The following TGFA variants were observed in gnomAD, a reference collection of about 807,000 sequenced individuals.
TGFA encodes transforming growth factor alpha, also known as protransforming growth factor alpha.
A neutral mutation model predicts 21.7 loss-of-function variants in TGFA; 12 were observed. The observed-to-expected ratio is 0.55, with a 90% CI of 0.35 to 0.90. The LOEUF (loss-of-function observed/expected upper bound fraction) is 0.90. Among genes scored for constraint, TGFA ranks in the 40% least tolerant of loss-of-function variants. The pLI is 0.01. For synonymous variants in TGFA, 79 were observed against 88.1 expected (o/e 0.90, Z 0.58); for missense variants, 178 against 210.8 (o/e 0.84, Z 0.96).
chr2:70,530,117 G>A (rs1213000932), intron 1 of TGFA, among the ~76,000 whole-genome samples: 2 of 152,276 alleles, frequency 1.3e-5, no homozygotes, highest in Middle Eastern at 3.4e-3. Flanking sequence ...ACCTCAGATG[G>A]GAGATTCTGT....
intron 1 of TGFA, among the ~76,000 whole-genome samples, chr2:70,539,533 C>T (rs1673072570): frequency 1.3e-5 from 2 of 152,214 alleles, no homozygotes; most frequent in African/African-American, 2.4e-5. Flanking sequence ...CAGCACACTG[C>T]AACCTCCGCC....
intron 2 of TGFA, among the ~76,000 whole-genome samples, chr2:70,466,203 TA>T (rs1553492206): frequency 2.0e-5 from 3 of 152,190 alleles, no homozygotes; most frequent in African/African-American, 7.2e-5. Context: ...TACAGTAAGT[TA>T]AGTAAATGGG....
At chr2:70,492,125 G>A (rs1486183995) in intron 2 of TGFA, among the ~76,000 whole-genome samples, 5 of 152,168 alleles carry the variant, frequency 3.3e-5, no homozygotes, top group Non-Finnish European at 7.3e-5. Context: ...TATCAAGAAG[G>A]GAAGAAATGG....
At chr2:70,490,371 C>T (rs1671393387) in intron 2 of TGFA, among the ~76,000 whole-genome samples, 1 of 152,272 alleles carries the variant, frequency 6.6e-6, no homozygotes, top group African/African-American at 2.4e-5. Flanking sequence ...AACAAAACCT[C>T]CTCATATAGT....
intron 1 of TGFA, among the ~76,000 whole-genome samples, chr2:70,541,293 T>C (rs1673124856): frequency 6.6e-6 from 1 of 152,236 alleles, no homozygotes; most frequent in African/African-American, 2.4e-5. Context: ...TTTATAGATA[T>C]ATTTATATGT....
chr2:70,505,675 T>C (rs1671900961), intron 2 of TGFA, among the ~76,000 whole-genome samples: 1 of 151,324 alleles, frequency 6.6e-6, no homozygotes, highest in Admixed American at 6.6e-5. Flanking sequence ...AAGTGACAAC[T>C]AGGAAGGAAA....
intron 3 of TGFA, among the ~76,000 whole-genome samples, chr2:70,459,990 G>A (rs1053472827): frequency 1.6e-4 from 25 of 152,192 alleles, no homozygotes; most frequent in Admixed American, 1.6e-3. Context: ...AGCCCAGTGG[G>A]TCTCACCTAC....
chr2:70,550,563 G>A (rs868982543), intron 1 of TGFA, among the ~76,000 whole-genome samples: 15 of 152,160 alleles, frequency 9.9e-5, no homozygotes, highest in South Asian at 4.1e-4. Flanking sequence ...GCTCACGCCT[G>A]TAATCCCAGC....
chr2:70,453,136 C>T (rs1344865922), intron 5 of TGFA, 82 bp downstream of exon 5: 7 of 1,239,468 alleles, frequency 5.6e-6, no homozygotes, highest in Non-Finnish European at 8.2e-6. Flanking sequence ...GCTTCATACT[C>T]CAGGAACTTC....
At chr2:70,456,065 G>A (rs1338390947) in intron 4 of TGFA, among the ~76,000 whole-genome samples, 3 of 152,226 alleles carry the variant, frequency 2.0e-5, no homozygotes, top group Non-Finnish European at 2.9e-5. Flanking sequence ...TCCAACAACC[G>A]TGGAAAGAAC....
rs78495667 is a variant in TGFA, at chr2:70,512,022, T to A, written c.94+2837A>T. 1.1e-3 allele frequency among the ~76,000 whole-genome samples: 168 copies of A among 147,742 alleles called. 1 individual carries two copies. The East Asian group carries it at 0.033, about 29-fold the overall frequency. On this transcript the variant is annotated intron_variant, in intron 2 of 5. Coordinates refer to ENST00000295400, the MANE Select transcript of TGFA (RefSeq NM_003236.4). ...ACAGGATTTCAGCCCTGTGCGGTGA[T>A]GAGAGAGTGGGTGGGATGGGGTGGG...
chr2:70,461,734 C>G (rs13408582), intron 3 of TGFA: 22,285 of 152,170 alleles, frequency 0.15, 1,861 homozygotes, highest in Admixed American at 0.26. Flanking sequence ...AGAGTCCTAA[C>G]CTTGCATTTC....
intron 2 of TGFA, among the ~76,000 whole-genome samples, chr2:70,501,586 C>T (rs984796905): frequency 1.8e-4 from 27 of 152,100 alleles, no homozygotes; most frequent in Admixed American, 1.5e-3. Flanking sequence ...TCCAGGGTAC[C>T]GAAGAACTCT....
intron 1 of TGFA, among the ~76,000 whole-genome samples, chr2:70,536,762 A>G (rs1672979898): frequency 6.6e-6 from 1 of 152,248 alleles, no homozygotes; most frequent in African/African-American, 2.4e-5. Context: ...TCTAAAATCA[A>G]TACGCTAAGC....
chr2:70,529,603 C>A (rs1251635331), intron 1 of TGFA, among the ~76,000 whole-genome samples: 10 of 150,342 alleles, frequency 6.7e-5, no homozygotes, highest in African/African-American at 2.2e-4. Flanking sequence ...CCGCCCCAGT[C>A]CTAGAAAAGA....
At chr2:70,462,361 C>G (rs1210498890) in intron 3 of TGFA, among the ~76,000 whole-genome samples, 1 of 152,192 alleles carries the variant, frequency 6.6e-6, no homozygotes, top group East Asian at 1.9e-4. Flanking sequence ...TGCAGAGGAC[C>G]CTGTCCCAGG....
chr2:70,542,145 C>G (rs564842452), intron 1 of TGFA, among the ~76,000 whole-genome samples: 14 of 152,084 alleles, frequency 9.2e-5, no homozygotes, highest in East Asian at 1.9e-4. Context: ...GTCAACCCCC[C>G]CAAAAAATAT....
intron 1 of TGFA, among the ~76,000 whole-genome samples, chr2:70,542,040 G>A (rs11466197): frequency 1.6e-3 from 250 of 152,176 alleles, no homozygotes; most frequent in East Asian, 7.9e-3. Context: ...AACTGCGCTC[G>A]GTGACAAATA....
intron 2 of TGFA, among the ~76,000 whole-genome samples, chr2:70,492,891 G>T (rs1553497900): frequency 2.6e-5 from 4 of 152,044 alleles, no homozygotes. Context: ...TTTACATTTA[G>T]TTAGAATGCT....
Sources: allele counts gnomAD v4.1 joint callset (sites outside exome capture counted in the v4.1 genomes callset), GRCh38; gene constraint gnomAD v4.1.1; transcripts MANE v1.5; gene names NCBI Gene and HGNC (gene_info 2026-07-23, HGNC 2026-07-21).